Variants in PTPRA observed in about 807,000 individuals in gnomAD.
The protein encoded by PTPRA is protein tyrosine phosphatase receptor type A.
In PTPRA, 25 loss-of-function variants were observed where a neutral mutation model predicts 104.8. The ratio of observed to expected loss-of-function variants is 0.24; its 90% confidence interval spans 0.17 to 0.33. PTPRA has a LOEUF of 0.33. PTPRA is among the 10% of genes least tolerant of loss of function. The pLI is 1.00. For synonymous variants in PTPRA, 323 were observed against 368.9 expected (o/e 0.88, Z 1.43); for missense variants, 765 against 1,015.3 (o/e 0.75, Z 3.35).
Position 3,017,887 on chromosome 20 carries a change from G to A in PTPRA, c.1015G>A (p.Val339Ile). 1 of 1,614,176 alleles carries A rather than the reference G, an allele frequency of 6.2e-7. No homozygotes were observed. Among genetic ancestry groups the A allele is most frequent in the Non-Finnish European group, 8.5e-7 (1 of 1,180,006 alleles). Reference protein sequence around the residue: ...WEQNTATIVMVTNLKERKECK... With the variant: ...WEQNTATIVMITNLKERKECK... ...ACAAAACACAGCCACCATCGTCATG[G>A]TTACCAACCTGAAGGAGAGAAAGGA... The change falls in exon 13 of 24, where the codon GTT (valine) becomes ATT (isoleucine). Residue 339 changes from valine (V) to isoleucine (I), a missense_variant. Around this residue, in one of 4 missense-constraint regions of PTPRA, gnomAD observed 245 missense variants for 398.7 expected, o/e 0.61. Coordinates refer to ENST00000399903, the MANE Select transcript of PTPRA (RefSeq NM_001385305.1).
intron 6 of PTPRA, 95 bp from the exon 7 acceptor site, chr20:2,986,670 T>G: frequency 7.6e-6 from 8 of 1,050,922 alleles, no homozygotes; most frequent in Non-Finnish European, 1.2e-5. Flanking sequence ...AAGGACTGAA[T>G]GAGCTCTTCC....
chr20:2,998,967 C>T (rs1488724458), intron 9 of PTPRA, among the ~76,000 whole-genome samples: 2 of 149,338 alleles, frequency 1.3e-5, no homozygotes, highest in South Asian at 2.1e-4. Context: ...ATAAATATGA[C>T]ATTATAGAAT....
At chr20:2,934,868 C>T (rs1386446095) in intron 2 of PTPRA, among the ~76,000 whole-genome samples, 1 of 151,948 alleles carries the variant, frequency 6.6e-6, no homozygotes, top group Non-Finnish European at 1.5e-5. Context: ...GACGGTGTTT[C>T]GCCATGTTGG....
At chr20:3,024,226 C>T (rs2065026035) in intron 16 of PTPRA, among the ~76,000 whole-genome samples, 1 of 152,150 alleles carries the variant, frequency 6.6e-6, no homozygotes, top group South Asian at 2.1e-4. Flanking sequence ...TGAGTTTGTC[C>T]TTCTCTCCAG....
At chr20:2,995,546 G>C (rs2063363876) in intron 9 of PTPRA, among the ~76,000 whole-genome samples, 1 of 152,196 alleles carries the variant, frequency 6.6e-6, no homozygotes, top group African/African-American at 2.4e-5. Flanking sequence ...AGATGCAGTA[G>C]AGAGCATAAT....
chr20:3,016,965 G>A (rs2064492178), intron 12 of PTPRA, among the ~76,000 whole-genome samples: 1 of 152,080 alleles, frequency 6.6e-6, no homozygotes, highest in African/African-American at 2.4e-5. Flanking sequence ...TCACAATTTG[G>A]GGTTAAGGTA....
rs753734390 is a variant in PTPRA at position 2,923,227 on chromosome 20, C to G, written c.-108C>G. On this transcript the variant is annotated 5_prime_UTR_variant, in exon 2 of 24. Coordinates refer to ENST00000399903, the MANE Select transcript of PTPRA (RefSeq NM_001385305.1). ...TGCAGGTGACACAACTAAAAAAAAA[C>G]AAAGGTATTTATGGAATTCCACTGA... 1 of 1,251,338 alleles carries G rather than the reference C, an allele frequency of 8.0e-7. No individual in the cohort carries two copies. Among genetic ancestry groups the G allele is most frequent in the South Asian group, 1.3e-5 (1 of 75,524 alleles). 77.5% of individuals were successfully genotyped at this position (1,251,338 alleles called of 1,614,324 possible).
At chr20:2,876,103 G>C (rs554146244) in intron 1 of PTPRA, among the ~76,000 whole-genome samples, 1 of 152,200 alleles carries the variant, frequency 6.6e-6, no homozygotes, top group Non-Finnish European at 1.5e-5. Flanking sequence ...AAGATCATTT[G>C]GGGGCAATAT....
rs569563143 is a variant in PTPRA, at chr20:2,912,513, C to G, written c.-128-10694C>G. Among the ~76,000 whole-genome samples the G allele has an allele frequency of 1.4e-4, 21 of 151,986 alleles. No individual in the cohort carries two copies. In the South Asian group the frequency reaches 4.1e-3, roughly 30 times the overall value. On this transcript the variant is annotated intron_variant, in intron 1 of 23. Coordinates refer to ENST00000399903, the MANE Select transcript of PTPRA (RefSeq NM_001385305.1). ...GTGGCTCACGCCCGTAGTCCCAGCTCCTTTGCAGGCTGAGGCAGGAGGATC... is the reference window on the plus strand; with the variant it reads ...GTGGCTCACGCCCGTAGTCCCAGCTGCTTTGCAGGCTGAGGCAGGAGGATC...
At chr20:2,935,551 C>G (rs553597422) in intron 2 of PTPRA, among the ~76,000 whole-genome samples, 10 of 152,190 alleles carry the variant, frequency 6.6e-5, no homozygotes, top group African/African-American at 2.4e-4. Context: ...TATAGTAGTT[C>G]TATTTAAATT....
intron 1 of PTPRA, among the ~76,000 whole-genome samples, chr20:2,896,095 C>G (rs2058987548): frequency 6.6e-6 from 1 of 152,082 alleles, no homozygotes; most frequent in Admixed American, 6.6e-5. Flanking sequence ...GGTCTATAGG[C>G]TGGGCACGGT....
At position 2,873,801 on chromosome 20, in the gene PTPRA, G is replaced by C. The variant is rs1055705269; in HGVS notation, c.-129+41G>C. The C allele has an allele frequency of 1.3e-5, 2 of 152,184 alleles. No individual in the cohort carries two copies. The highest frequency in any genetic ancestry group is 1.3e-4 in the Admixed American group (2 of 15,282). 9.4% of individuals were successfully genotyped at this position (152,184 alleles called of 1,614,324 possible). ...CGCTGCGCCCGGGTGGGCTCCGGAA[G>C]GGGGAGCGGCTCCCGGGGGCGGTGG... On this transcript the variant is annotated intron_variant, in intron 1 of 23. Coordinates refer to ENST00000399903, the MANE Select transcript of PTPRA (RefSeq NM_001385305.1). This position sits in a 1 kb window ranked among gnomAD's most constrained non-coding sequence, Gnocchi z 4.4.
chr20:3,022,927 T>C lies in PTPRA; in HGVS notation c.1464+103T>C. 1 of 1,509,304 alleles carries C rather than the reference T, an allele frequency of 6.6e-7. No homozygotes were observed. Among genetic ancestry groups the C allele is most frequent in the South Asian group, 1.3e-5 (1 of 79,448 alleles). 93.5% of individuals were successfully genotyped at this position (1,509,304 alleles called of 1,614,324 possible). A position where few individuals can be genotyped will look rare whatever the true frequency, so the allele number is the denominator to read the frequency against. On this transcript the variant is annotated intron_variant, in intron 16 of 23. Coordinates refer to ENST00000399903, the MANE Select transcript of PTPRA (RefSeq NM_001385305.1). The surrounding 1 kb of genome is among the most constrained non-coding windows in gnomAD (Gnocchi z 4.6). The stretch of plus-strand genomic sequence containing the variant: ...CTCACAGGTTATTGTAAATGATTAC[T>C]ATAGAGTGTGATTGTGGGGGAAAGA...
Position 3,038,219 on chromosome 20 carries a change from A to ATATC in PTPRA, c.*88_*91dup, listed in dbSNP as rs757682430. On this transcript the variant is annotated 3_prime_UTR_variant, in exon 24 of 24. Coordinates refer to ENST00000399903, the MANE Select transcript of PTPRA (RefSeq NM_001385305.1). Reference sequence around the variant, plus strand: ...TGTTAATATACCCCAAATTGTGTATATATCTTATAACTGTTTTAGAAATTG... The same window carrying ATATC: ...TGTTAATATACCCCAAATTGTGTATATATCTATCTTATAACTGTTTTAGAAATTG... The ATATC allele has an allele frequency of 5.4e-5, 70 of 1,302,342 alleles. No individual in the cohort carries two copies. The highest frequency in any genetic ancestry group is 4.8e-4 in the South Asian group (38 of 79,738). 80.7% of individuals were successfully genotyped at this position (1,302,342 alleles called of 1,614,324 possible).
chr20:2,934,916 C>T (rs36052731), intron 2 of PTPRA, among the ~76,000 whole-genome samples: 52,354 of 152,046 alleles, frequency 0.34, 10,312 homozygotes, highest in East Asian at 0.66. Context: ...AGGTGATCTG[C>T]TTGCCTTAGC....
chr20:2,913,536 T>C (rs2059795766), intron 1 of PTPRA, among the ~76,000 whole-genome samples: 1 of 152,190 alleles, frequency 6.6e-6, no homozygotes, highest in Non-Finnish European at 1.5e-5. Context: ...TTTGACTTGA[T>C]CGCCTTGACA....
At chr20:2,917,487 A>G (rs775275464) in intron 1 of PTPRA, among the ~76,000 whole-genome samples, 2 of 152,112 alleles carry the variant, frequency 1.3e-5, no homozygotes, top group South Asian at 2.1e-4. Context: ...TCCTGGGCCC[A>G]ATACAGAGGT....
intron 1 of PTPRA, among the ~76,000 whole-genome samples, chr20:2,886,856 C>CA (rs1275472144): frequency 4.3e-3 from 332 of 77,842 alleles, no homozygotes; most frequent in Middle Eastern, 0.016. Flanking sequence ...AACTCTGTCT[C>CA]AAAAAAAAAA....
At chr20:2,975,278 A>T in intron 6 of PTPRA, 37 bp downstream of exon 6, 1 of 1,535,612 alleles carries the variant, frequency 6.5e-7, no homozygotes, top group Non-Finnish European at 8.9e-7. Flanking sequence ...TTCCTTTTAC[A>T]CAGTGTACAG....
Sources: gnomAD v4.1 joint callset for allele counts (sites outside exome capture counted in the v4.1 genomes callset) on GRCh38, gnomAD v4.1.1 for gene constraint, gnomAD v4.1.1 regional missense constraint, Gnocchi (gnomAD v3.1) non-coding constraint, MANE v1.5 for transcripts, NCBI Gene and HGNC (gene_info 2026-07-23, HGNC 2026-07-21) for gene names.